The following CARMIL1 variants were observed in gnomAD, a reference collection of about 807,000 sequenced individuals.
The protein encoded by CARMIL1 is F-actin-uncapping protein LRRC16A.
CARMIL1 carries 90 observed loss-of-function variants against 177.1 expected under a neutral mutation model. The observed-to-expected ratio is 0.51, with a 90% CI of 0.43 to 0.61. The LOEUF (loss-of-function observed/expected upper bound fraction) is 0.61. CARMIL1 is among the 20% of genes least tolerant of loss of function. The pLI, the probability that CARMIL1 is intolerant of heterozygous loss-of-function variation, is 0.00. For synonymous variants in CARMIL1, 577 were observed against 606.2 expected, an observed-to-expected ratio of 0.95 and a Z score of 0.71; for missense variants, 1,380 against 1,667.0, an observed-to-expected ratio of 0.83 and a Z score of 3.00.
intron 20 of CARMIL1, 68 bp downstream of exon 20, chr6:25,510,830 T>C (rs758677728): frequency 3.5e-5 from 31 of 892,928 alleles, no homozygotes; most frequent in Non-Finnish European, 5.2e-5. Context: ...TTATTTCTAC[T>C]GGATTAATGC....
At position 25,318,367 on chromosome 6, in the gene CARMIL1, A is replaced by G. The variant is rs573992628; in HGVS notation, c.138+33458A>G. ...GAGGTGCAGAGAGTAAGGAACAGGG[A>G]CGAATATATGTGACCCTGGTTATCA... is the stretch of plus-strand genomic sequence containing the variant. On this transcript the variant is annotated intron_variant, in intron 2 of 36. Coordinates refer to ENST00000329474, the MANE Select transcript of CARMIL1 (RefSeq NM_017640.6). 5.9e-5 allele frequency among the ~76,000 whole-genome samples: 9 copies of G among 152,258 alleles called. No individual in the cohort carries two copies. The South Asian group carries it at 1.0e-3, about 18-fold the overall frequency.
chr6:25,514,796 C>G (rs1406628037), intron 20 of CARMIL1, among the ~76,000 whole-genome samples: 1 of 151,916 alleles, frequency 6.6e-6, no homozygotes, highest in African/African-American at 2.4e-5. Context: ...TGGTGGTACG[C>G]ACCTGTAGTT....
chr6:25,518,710 G>A (rs935031371), intron 22 of CARMIL1, among the ~76,000 whole-genome samples: 1 of 152,198 alleles, frequency 6.6e-6, no homozygotes, highest in African/African-American at 2.4e-5. Flanking sequence ...GAAGCCAGGA[G>A]CATGCACAAC....
chr6:25,526,911 G>A (rs1047369086), intron 23 of CARMIL1, among the ~76,000 whole-genome samples: 11 of 151,988 alleles, frequency 7.2e-5, no homozygotes, highest in African/African-American at 2.7e-4. Context: ...ATTTTAACAG[G>A]TGGATTTTTG....
At position 25,591,453 on chromosome 6, in the gene CARMIL1, C is replaced by T. The variant is rs192364862; in HGVS notation, c.3007-2962C>T. Among the ~76,000 whole-genome samples the T allele has an allele frequency of 3.3e-5, 5 of 152,322 alleles. No individual in the cohort carries two copies. In the East Asian group the frequency reaches 9.6e-4, roughly 29 times the overall value. The stretch of plus-strand genomic sequence containing the variant: ...GCAGTGGATTCTGGCCCCAGGCTCA[C>T]GGCTGAGGTTTTTGCTCCCTCCTTT... On this transcript the variant is annotated intron_variant, in intron 31 of 36. Transcript: ENST00000329474.
intron 12 of CARMIL1, among the ~76,000 whole-genome samples, chr6:25,485,016 C>G (rs1300298970): frequency 6.6e-6 from 1 of 152,030 alleles, no homozygotes; most frequent in Non-Finnish European, 1.5e-5. Context: ...GCCTGGGTGA[C>G]AGAGTGAGAA....
chr6:25,370,865 C>T (rs1197233995), intron 2 of CARMIL1, among the ~76,000 whole-genome samples: 1 of 152,092 alleles, frequency 6.6e-6, no homozygotes, highest in African/African-American at 2.4e-5. Context: ...CACCCATCAT[C>T]TGTGTATATT....
intron 2 of CARMIL1, among the ~76,000 whole-genome samples, chr6:25,351,862 A>G (rs1166388909): frequency 1.4e-5 from 2 of 140,400 alleles, no homozygotes; most frequent in Non-Finnish European, 3.1e-5. Flanking sequence ...GACAATATGA[A>G]AAAAAAAATC....
chr6:25,521,746 G>T lies in CARMIL1; in HGVS notation c.1968+1409G>T, dbSNP rs573302422. On this transcript the variant is annotated intron_variant, in intron 23 of 36. Transcript: ENST00000329474. ...ATCCATGCCACTGCACTCCAGCCTG[G>T]CCGACAGAGCGAGATTCCATCTCAA... 1.4e-4 allele frequency among the ~76,000 whole-genome samples: 20 copies of T among 146,674 alleles called. No individual in the cohort carries two copies. In the South Asian group the frequency reaches 3.1e-3, roughly 22 times the overall value.
chr6:25,383,357 A>G (rs1791794560), intron 2 of CARMIL1, among the ~76,000 whole-genome samples: 1 of 152,214 alleles, frequency 6.6e-6, no homozygotes. Context: ...AAAAACAAAA[A>G]TAATATATTT....
intron 2 of CARMIL1, among the ~76,000 whole-genome samples, chr6:25,344,806 T>C (rs115238867): frequency 0.01 from 1,599 of 152,336 alleles, 12 homozygotes; most frequent in Middle Eastern, 0.014. Flanking sequence ...TCTATCTCCA[T>C]CTACACGTAC....
At position 25,558,688 on chromosome 6, in the gene CARMIL1, G is replaced by T. The variant is rs1016147731; in HGVS notation, c.2742+1838G>T. On this transcript the variant is annotated intron_variant, in intron 29 of 36. Coordinates refer to ENST00000329474, the MANE Select transcript of CARMIL1 (RefSeq NM_017640.6). The surrounding 1 kb of genome is among the most constrained non-coding windows in gnomAD (Gnocchi z 4.1). Reference sequence around the variant, plus strand: ...TAGATCTCTTTGAATTCAACTCTCAGGACAAGCCACGTTAGGAGGGTAGAC... The same window carrying T: ...TAGATCTCTTTGAATTCAACTCTCATGACAAGCCACGTTAGGAGGGTAGAC... 3.3e-5 allele frequency among the ~76,000 whole-genome samples: 5 copies of T among 150,664 alleles called. No homozygotes were observed. The highest frequency in any genetic ancestry group is 1.2e-4 in the African/African-American group (5 of 40,844).
rs779166265 is a variant in CARMIL1, at chr6:25,441,357, G to GTGTGTCTA, written c.371+5758_371+5759insCTATGTGT. Among the ~76,000 whole-genome samples the GTGTGTCTA allele has an allele frequency of 2.9e-3, 411 of 143,954 alleles. 1 individual carries two copies. The highest frequency in any genetic ancestry group is 7.0e-3 in the Middle Eastern group (2 of 286). The allele number at this position is 143,954 out of a possible 152,430, so 94.4% of individuals were successfully genotyped here. A position where few individuals can be genotyped will look rare whatever the true frequency, so the allele number is the denominator to read the frequency against. ...TATATATGTGTGTGTGTGTGTGTGT[G>GTGTGTCTA]TGTGTGTGTGTGTGTCTATGTGTGT... On this transcript the variant is annotated intron_variant, in intron 5 of 36. Transcript: ENST00000329474.
Position 25,279,416 on chromosome 6 carries a change from C to T in CARMIL1, c.-380C>T. 1 of 345,056 alleles carries T rather than the reference C, an allele frequency of 2.9e-6. No homozygotes were observed. The highest frequency in any genetic ancestry group is 4.5e-5 in the Admixed American group (1 of 22,222). 21.4% of individuals were successfully genotyped at this position (345,056 alleles called of 1,614,324 possible). ...CCGCTTTCACCTAGGGCTGTAGGTG[C>T]GGCGCGGAGGCTGGGCGGGAGCTAC... is the stretch of plus-strand genomic sequence containing the variant. On this transcript the variant is annotated 5_prime_UTR_variant, in exon 1 of 37. Coordinates refer to ENST00000329474, the MANE Select transcript of CARMIL1 (RefSeq NM_017640.6).
At chr6:25,483,681 C>CA (rs11452946) in intron 12 of CARMIL1, among the ~76,000 whole-genome samples, 48,854 of 90,170 alleles carry the variant, frequency 0.54, 11,977 homozygotes, top group South Asian at 0.64. Flanking sequence ...ATCTCTGTCT[C>CA]AAAAAAAAAA....
chr6:25,439,878 G>A (rs751234937), intron 5 of CARMIL1, among the ~76,000 whole-genome samples: 6 of 152,194 alleles, frequency 3.9e-5, no homozygotes, highest in Non-Finnish European at 5.9e-5. Flanking sequence ...CCATATGGCT[G>A]TAATGAGGGG....
rs968561469 is a variant in CARMIL1, at chr6:25,340,021, G to A, written c.138+55112G>A. ...TGCCTGCATTGTTGTCGAGCATGAA[G>A]AAATAATCGATTTTGTAATTTATTC... On this transcript the variant is annotated intron_variant, in intron 2 of 36. Transcript: ENST00000329474. Among the ~76,000 whole-genome samples, 93 of 152,222 alleles carry A rather than the reference G, an allele frequency of 6.1e-4. 1 individual carries two copies. The highest frequency in any genetic ancestry group is 1.1e-3 in the Non-Finnish European group (78 of 68,044).
At chr6:25,590,886 TTTTC>T (rs1814233477) in intron 31 of CARMIL1, among the ~76,000 whole-genome samples, 1 of 152,176 alleles carries the variant, frequency 6.6e-6, no homozygotes, top group Non-Finnish European at 1.5e-5. Flanking sequence ...TGTCATCTCT[TTTTC>T]TAAGAGTCAA....
rs1476742548 is a variant in CARMIL1 at position 25,620,316 on chromosome 6, T to A, written c.*733T>A. ...GATTAATGTATATAGTTGATTGGAA[T>A]GAGGTTTTATGAATATTCATGTTTT... On this transcript the variant is annotated 3_prime_UTR_variant, in exon 37 of 37. Transcript: ENST00000329474. 3 of 152,212 alleles carry A rather than the reference T, an allele frequency of 2.0e-5. No homozygotes were observed. Among genetic ancestry groups the A allele is most frequent in the Admixed American group, 2.0e-4 (3 of 15,274 alleles). The allele number at this position is 152,212 out of a possible 1,614,324, so 9.4% of individuals were successfully genotyped here. A position where few individuals can be genotyped will look rare whatever the true frequency, so the allele number is the denominator to read the frequency against.
Sources: allele counts gnomAD v4.1 joint callset (sites outside exome capture counted in the v4.1 genomes callset), GRCh38; gene constraint gnomAD v4.1.1; non-coding constraint Gnocchi (gnomAD v3.1); transcripts MANE v1.5; gene names NCBI Gene and HGNC (gene_info 2026-07-23, HGNC 2026-07-21).